Variants in DPP9 observed in about 807,000 individuals in gnomAD.
DPP9 encodes the protein dipeptidyl peptidase 9, also known as dipeptidyl peptidase IV-related protein-2.
In DPP9, 50 loss-of-function variants were observed where a neutral mutation model predicts 110.7. The observed-to-expected ratio is 0.45, with a 90% CI of 0.36 to 0.57. DPP9 has a LOEUF of 0.57. Ranked by LOEUF, DPP9 falls within the 20% of genes least tolerant of loss-of-function variation. The pLI is 0.00. For missense variants in DPP9, 1,022 were observed against 1,217.9 expected (o/e 0.84, Z 2.39); for synonymous variants, 561 against 514.4 (o/e 1.09, Z -1.23).
intron 11 of DPP9, 121 bp downstream of exon 11, chr19:4,697,430 C>G (rs1417208697): frequency 2.1e-5 from 17 of 814,220 alleles, no homozygotes; most frequent in Non-Finnish European, 3.3e-5. Context: ...GGCGGTTGCA[C>G]TGCGGGAAGA....
intron 13 of DPP9, among the ~76,000 whole-genome samples, chr19:4,691,432 A>G (rs1033823086): frequency 6.6e-6 from 1 of 151,124 alleles, no homozygotes; most frequent in East Asian, 1.9e-4. Flanking sequence ...CTATGGTTAC[A>G]CCACTGCCAC....
In DPP9 at chr19:4,684,451, T is replaced by C; in HGVS notation, c.2178+212A>G. ...ATCACCAGTGTCAGCACAACTTGTC[T>C]CTGTCCCTGCAGGGCGCAGCCCAGA... On this transcript the variant is annotated intron_variant, in intron 18 of 21. Transcript: ENST00000262960. The surrounding 1 kb of genome is among the most constrained non-coding windows in gnomAD (Gnocchi z 4.8). The C allele has an allele frequency of 1.7e-6, 1 of 598,336 alleles. No individual in the cohort carries two copies. The highest frequency in any genetic ancestry group is 2.9e-6 in the Non-Finnish European group (1 of 342,684). The allele number at this position is 598,336 out of a possible 1,614,324, so 37.1% of individuals were successfully genotyped here.
Position 4,714,366 on chromosome 19 carries a change from A to G in DPP9, c.57-29T>C, listed in dbSNP as rs11667717. 5.2e-3 allele frequency: 7,567 copies of G among 1,463,822 alleles called. 39 individuals are homozygous for G. The highest frequency in any genetic ancestry group is 8.9e-3 in the Middle Eastern group (50 of 5,604). 90.7% of individuals were successfully genotyped at this position (1,463,822 alleles called of 1,614,324 possible). On this transcript the variant is annotated intron_variant, in intron 3 of 21. Coordinates refer to ENST00000262960, the MANE Select transcript of DPP9 (RefSeq NM_139159.5). ...CGGGGAGGAAGCAAAGACTATGAGA[A>G]AGGAGAACTGTTTTACCTACGAGCT...
In DPP9 at chr19:4,684,700, C is replaced by G; in HGVS notation, c.2141G>C (p.Arg714Pro). 1 of 1,612,344 alleles carries G rather than the reference C, an allele frequency of 6.2e-7. No homozygotes were observed. Among genetic ancestry groups the G allele is most frequent in the Non-Finnish European group, 8.5e-7 (1 of 1,179,350 alleles). The change falls in exon 18 of 22, where the codon CGA becomes CCA. Residue 714 changes from arginine to proline, a missense_variant. Physicochemically the swap from Arg to Pro is moderately radical, Grantham distance 103. Around this residue, in one of 3 missense-constraint regions of DPP9, gnomAD observed 209 missense variants for 280.4 expected, o/e 0.75. Transcript: ENST00000262960. The surrounding 1 kb of genome is among the most constrained non-coding windows in gnomAD (Gnocchi z 4.8). Reference protein sequence around the residue: ...VVIDGRGSCQRGLRFEGALKN... With the variant: ...VVIDGRGSCQPGLRFEGALKN... ...CAGGGCCCCTTCGAACCGAAGCCCT[C>G]GCTGACAGGAGCCCCTGCCGTCAAT...
intron 20 of DPP9, among the ~76,000 whole-genome samples, chr19:4,681,457 C>T (rs151132073): frequency 4.5e-4 from 69 of 151,670 alleles, no homozygotes; most frequent in African/African-American, 1.6e-3. Flanking sequence ...GCCGGGATTA[C>T]AGGTGTGTGT....
chr19:4,691,811 G>C (rs2091351258), intron 13 of DPP9, among the ~76,000 whole-genome samples: 1 of 150,546 alleles, frequency 6.6e-6, no homozygotes, highest in South Asian at 2.1e-4. Context: ...CCGAGTAACT[G>C]GGATTACAGG....
intron 21 of DPP9, among the ~76,000 whole-genome samples, chr19:4,678,449 G>C (rs371856319): frequency 8.8e-4 from 134 of 152,346 alleles, no homozygotes; most frequent in African/African-American, 3.0e-3. Flanking sequence ...GGCCCCAGCA[G>C]CCTTCAAGGA....
rs1217077948 is a variant in DPP9 at position 4,710,147 on chromosome 19, T to A, written c.313+3934A>T. ...TGCAAACACACCTGATGCCAACCTG[T>A]CACCCACCCATGCCCCGGTGACCCA... On this transcript the variant is annotated intron_variant, in intron 4 of 21. Transcript: ENST00000262960. The surrounding 1 kb of genome is among the most constrained non-coding windows in gnomAD (Gnocchi z 5.6). Among the ~76,000 whole-genome samples, 1 of 152,168 alleles carries A rather than the reference T, an allele frequency of 6.6e-6. No homozygotes were observed. The highest frequency in any genetic ancestry group is 1.5e-5 in the Non-Finnish European group (1 of 68,012).
At chr19:4,708,331 C>A (rs934669344) in intron 4 of DPP9, among the ~76,000 whole-genome samples, 4 of 152,180 alleles carry the variant, frequency 2.6e-5, no homozygotes, top group African/African-American at 4.8e-5. Flanking sequence ...GCACCGAAGA[C>A]CCCCTGGAAA....
At chr19:4,705,836 C>A in intron 5 of DPP9, 22 bp downstream of exon 5, 1 of 1,612,132 alleles carries the variant, frequency 6.2e-7, no homozygotes, top group Non-Finnish European at 8.5e-7. Context: ...CGGTAGGGCC[C>A]ACGCCTAATA....
rs1233210770 is a variant in DPP9 at position 4,694,752 on chromosome 19, T to C, written c.1425A>G (p.Glu475=). The C allele has an allele frequency of 6.2e-7, 1 of 1,613,958 alleles. No homozygotes were observed. The highest frequency in any genetic ancestry group is 1.7e-5 in the Admixed American group (1 of 60,008). ...ACAAATGGCAGAAGCCGGTCTTGCATTCATTGGCGCGGAGAAAGCAGAGCT... is the reference window on the plus strand; with the variant it reads ...ACAAATGGCAGAAGCCGGTCTTGCACTCATTGGCGCGGAGAAAGCAGAGCT... ...EDELCFLRAN[E]CKTGFCHLYK... is the part of the protein sequence containing the mutation. The change falls in exon 13 of 22, where the codon GAA becomes GAG. Residue 475 remains glutamate, a synonymous_variant. Transcript: ENST00000262960. The surrounding 1 kb of genome is among the most constrained non-coding windows in gnomAD (Gnocchi z 4.0).
chr19:4,690,944 G>T lies in DPP9; in HGVS notation c.1530C>A (p.Cys510Ter). 6.2e-7 allele frequency: 1 copy of T among 1,612,702 alleles called. No individual in the cohort carries two copies. The change falls in exon 14 of 22, where the codon TGC becomes TGA. Residue 510 changes from cysteine to a stop codon, truncating the protein, a stop_gained. Coordinates refer to ENST00000262960, the MANE Select transcript of DPP9 (RefSeq NM_139159.5). LOFTEE classifies it high-confidence loss of function. Reference sequence around the variant, plus strand: ...TCAGAGCAATCTCTTCCTTAATGGGGCACTTAAATTCATCTGGAAAGAAAG... The same window carrying T: ...TCAGAGCAATCTCTTCCTTAATGGGTCACTTAAATTCATCTGGAAAGAAAG... The part of the protein sequence containing the change: ...PFSPGEDEFK[C>*]PIKEEIALTS...
At position 4,704,239 on chromosome 19, in the gene DPP9, C is replaced by A. The variant is rs199626308; in HGVS notation, c.492G>T (p.Gly164=). 3 of 1,613,974 alleles carry A rather than the reference C, an allele frequency of 1.9e-6. No homozygotes were observed. The South Asian group carries it at 3.3e-5, about 18-fold the overall frequency. The change falls in exon 6 of 22, where the codon GGG becomes GGT. Residue 164 remains glycine, a synonymous_variant. Transcript: ENST00000262960. The surrounding 1 kb of genome is among the most constrained non-coding windows in gnomAD (Gnocchi z 6.0). ...EELLRERKRL[G]VFGITSYDFH... ...AGTCGTAGGAGGTGATGCCGAAGAC[C>A]CCCAGGCGTTTCCGCTCCCTCAGCA...
In DPP9 at chr19:4,702,646, G is replaced by A. The variant is rs745441566; in HGVS notation, c.840C>T (p.Asp280=). 6.2e-7 allele frequency: 1 copy of A among 1,604,646 alleles called. No individual in the cohort carries two copies. The highest frequency in any genetic ancestry group is 1.1e-5 in the South Asian group (1 of 89,258). ...VATFVIQEEF[D]RFTGYWWCPT... is the part of the protein sequence containing the mutation. Reference sequence around the variant, plus strand: ...GGCACCACCAGTACCCAGTGAAGCGGTCGAACTCTTCCTGTATGACGAAGG... The same window carrying A: ...GGCACCACCAGTACCCAGTGAAGCGATCGAACTCTTCCTGTATGACGAAGG... Residue 280 remains aspartate (D), a synonymous_variant, in exon 8 of 22, where the codon GAC becomes GAT. Coordinates refer to ENST00000262960, the MANE Select transcript of DPP9 (RefSeq NM_139159.5).
At chr19:4,707,805 T>C (rs1473360275) in intron 4 of DPP9, among the ~76,000 whole-genome samples, 1 of 151,216 alleles carries the variant, frequency 6.6e-6, no homozygotes, top group Non-Finnish European at 1.5e-5. Context: ...TTTGTATTTT[T>C]AGTAGAGATG....
Position 4,695,186 on chromosome 19 carries a change from A to C in DPP9, c.1353+192T>G, listed in dbSNP as rs1026315402. 34 of 606,034 alleles carry C rather than the reference A, an allele frequency of 5.6e-5. No homozygotes were observed. In the African/African-American group the frequency reaches 6.1e-4, roughly 11 times the overall value. The allele number at this position is 606,034 out of a possible 1,614,324, so 37.5% of individuals were successfully genotyped here. Reference sequence around the variant, plus strand: ...AAAATAGATGAGGGGAGAGGCTCCAATGGCTGCCAGACTCACCAACCCCCC... The same window carrying C: ...AAAATAGATGAGGGGAGAGGCTCCACTGGCTGCCAGACTCACCAACCCCCC... On this transcript the variant is annotated intron_variant, in intron 12 of 21. Coordinates refer to ENST00000262960, the MANE Select transcript of DPP9 (RefSeq NM_139159.5). The surrounding 1 kb of genome is among the most constrained non-coding windows in gnomAD (Gnocchi z 4.7).
chr19:4,695,335 C>T lies in DPP9; in HGVS notation c.1353+43G>A. Reference sequence around the variant, plus strand: ...ACGTGGGGGTGGGGACAGTGTGACTCCAGGGCCCAGGCGGGCATACAGCCA... The same window carrying T: ...ACGTGGGGGTGGGGACAGTGTGACTTCAGGGCCCAGGCGGGCATACAGCCA... On this transcript the variant is annotated intron_variant, in intron 12 of 21. Coordinates refer to ENST00000262960, the MANE Select transcript of DPP9 (RefSeq NM_139159.5). This position sits in a 1 kb window ranked among gnomAD's most constrained non-coding sequence, Gnocchi z 4.7. The T allele has an allele frequency of 6.6e-7, 1 of 1,517,172 alleles. No homozygotes were observed. Among genetic ancestry groups the T allele is most frequent in the Non-Finnish European group, 8.8e-7 (1 of 1,131,040 alleles). The allele number at this position is 1,517,172 out of a possible 1,614,324, so 94.0% of individuals were successfully genotyped here. A position where few individuals can be genotyped will look rare whatever the true frequency, so the allele number is the denominator to read the frequency against.
rs1339521906 is a variant in DPP9 at position 4,722,317 on chromosome 19, AG to A, written c.-36+181del. 1.9e-5 allele frequency: 11 copies of A among 582,924 alleles called. No homozygotes were observed. In the African/African-American group the frequency reaches 2.1e-4, roughly 11 times the overall value. 36.1% of individuals were successfully genotyped at this position (582,924 alleles called of 1,614,324 possible). A position where few individuals can be genotyped will look rare whatever the true frequency, so the allele number is the denominator to read the frequency against. ...CTTCCAGGGGCAGCTAGAGGGGGAC[AG>A]GGGTGGAAAGAAAAGCCTCCAGCAG... is the stretch of plus-strand genomic sequence containing the variant. On this transcript the variant is annotated intron_variant, in intron 2 of 21. Coordinates refer to ENST00000262960, the MANE Select transcript of DPP9 (RefSeq NM_139159.5).
intron 4 of DPP9, among the ~76,000 whole-genome samples, chr19:4,707,649 A>G (rs1226942972): frequency 8.7e-6 from 1 of 114,336 alleles, no homozygotes; most frequent in African/African-American, 3.5e-5. Flanking sequence ...TTTCTGAGAC[A>G]CAGTCTCGCT....
Sources: gnomAD v4.1 joint callset for allele counts (sites outside exome capture counted in the v4.1 genomes callset) on GRCh38, gnomAD v4.1.1 for gene constraint, gnomAD v4.1.1 regional missense constraint, Gnocchi (gnomAD v3.1) non-coding constraint, MANE v1.5 for transcripts, NCBI Gene and HGNC (gene_info 2026-07-23, HGNC 2026-07-21) for gene names.